PTPRN2: variants seen among roughly 807,000 people sequenced by gnomAD.
PTPRN2 encodes the protein protein tyrosine phosphatase receptor type N2.
Under a neutral mutation model 118.8 loss-of-function variants are expected in PTPRN2, and 74 were observed. The ratio of observed to expected loss-of-function variants is 0.62; its 90% CI spans 0.52 to 0.76. The LOEUF is 0.76. PTPRN2 is among the 30% of genes least tolerant of loss of function. The pLI is 0.00. For synonymous variants in PTPRN2, 641 were observed against 608.0 expected, an observed-to-expected ratio of 1.05 and a Z score of -0.80; for missense variants, 1,481 against 1,394.4, an observed-to-expected ratio of 1.06 and a Z score of -0.99.
At chr7:158,179,340 T>G (rs575659366) in intron 5 of PTPRN2, among the ~76,000 whole-genome samples, 1 of 152,338 alleles carries the variant, frequency 6.6e-6, no homozygotes, top group East Asian at 1.9e-4. Context: ...TTTGTCCACT[T>G]TTTAATGGGA....
At chr7:158,186,855 A>G (rs531472766) in intron 5 of PTPRN2, among the ~76,000 whole-genome samples, 1 of 152,350 alleles carries the variant, frequency 6.6e-6, no homozygotes, top group East Asian at 1.9e-4. Flanking sequence ...ACAGAAACTA[A>G]CTTTCCTTAA....
intron 11 of PTPRN2, among the ~76,000 whole-genome samples, chr7:158,072,145 G>A (rs1811988598): frequency 7.6e-6 from 1 of 131,370 alleles, no homozygotes; most frequent in Admixed American, 7.3e-5. Context: ...GGATCTAAAT[G>A]CCATTCAGTT....
At chr7:157,678,325 C>G (rs1288190279) in intron 13 of PTPRN2, among the ~76,000 whole-genome samples, 1 of 152,174 alleles carries the variant, frequency 6.6e-6, no homozygotes, top group East Asian at 1.9e-4. Context: ...GTCAAGTAAA[C>G]CTCAGTAAAA....
chr7:157,737,129 A>G (rs1243713398), intron 12 of PTPRN2, among the ~76,000 whole-genome samples: 1 of 152,170 alleles, frequency 6.6e-6, no homozygotes, highest in Non-Finnish European at 1.5e-5. Flanking sequence ...TCACACATTC[A>G]TTTAAAAAGT....
chr7:158,189,823 T>G (rs1481605004), intron 5 of PTPRN2, among the ~76,000 whole-genome samples: 3 of 152,198 alleles, frequency 2.0e-5, no homozygotes, highest in Admixed American at 1.3e-4. Context: ...CCACAGCCCT[T>G]CTGATAAAGA....
At position 158,138,321 on chromosome 7, in the gene PTPRN2, C is replaced by A. The variant is rs145671265; in HGVS notation, c.1105G>T (p.Ala369Ser). ...GGAAAGCTGTCTCCACGGAGGGTGG[C>A]CTTGGGGCCATCCGCCTGTTCTCCA... ...ESGEQADGPK[A>S]TLRGDSFPDD... Residue 369 changes from alanine to serine, a missense_variant, in exon 7 of 23, where the codon GCC becomes TCC. Ala to Ser is a moderately conservative substitution (Grantham distance 99). Around this residue, in one of 3 missense-constraint regions of PTPRN2, gnomAD observed 1,115 missense variants for 994.2 expected, o/e 1.12. Transcript: ENST00000389418. 1.2e-6 allele frequency: 2 copies of A among 1,613,360 alleles called. No homozygotes were observed. The highest frequency in any genetic ancestry group is 3.3e-5 in the Admixed American group (2 of 60,022).
At chr7:157,975,373 C>T (rs913366850) in intron 11 of PTPRN2, among the ~76,000 whole-genome samples, 1 of 152,180 alleles carries the variant, frequency 6.6e-6, no homozygotes, top group Non-Finnish European at 1.5e-5. Flanking sequence ...CTGAGAGCCT[C>T]TCCATCTCCA....
At chr7:157,945,697 T>C (rs62475405) in intron 11 of PTPRN2, among the ~76,000 whole-genome samples, 43,311 of 150,702 alleles carry the variant, frequency 0.29, 6,446 homozygotes, top group Middle Eastern at 0.37. Flanking sequence ...GCTTGGACGA[T>C]GTCACCTCCA....
At chr7:158,260,693 C>T (rs535876523) in intron 3 of PTPRN2, among the ~76,000 whole-genome samples, 3 of 152,312 alleles carry the variant, frequency 2.0e-5, no homozygotes, top group South Asian at 2.1e-4. Context: ...TTGCCACTAG[C>T]GCTCCGTGGG....
At chr7:158,223,755 A>G (rs547237400) in intron 3 of PTPRN2, among the ~76,000 whole-genome samples, 1 of 152,308 alleles carries the variant, frequency 6.6e-6, no homozygotes, top group Admixed American at 6.5e-5. Context: ...CTAGGAACAA[A>G]GCAAGGATGT....
At position 158,060,343 on chromosome 7, in the gene PTPRN2, CT is replaced by C. The variant is rs775715463; in HGVS notation, c.1723+20954del. 1.5e-4 allele frequency among the ~76,000 whole-genome samples: 23 copies of C among 152,288 alleles called. No homozygotes were observed. In the East Asian group the frequency reaches 4.4e-3, roughly 29 times the overall value. On this transcript the variant is annotated intron_variant, in intron 11 of 22. Transcript: ENST00000389418. ...GTGACACATCAGTGCAGGGTAGAAACTCCCCCATCTCCCATGCAGCCCCCAG... is the reference window on the plus strand; with the variant it reads ...GTGACACATCAGTGCAGGGTAGAAACCCCCCATCTCCCATGCAGCCCCCAG...
chr7:157,797,939 G>A (rs1804974228), intron 12 of PTPRN2, among the ~76,000 whole-genome samples: 1 of 152,186 alleles, frequency 6.6e-6, no homozygotes, highest in Admixed American at 6.5e-5. Flanking sequence ...TTGACCCCAG[G>A]TCTGTCTTCC....
At chr7:158,067,900 G>A (rs1170894616) in intron 11 of PTPRN2, among the ~76,000 whole-genome samples, 10 of 152,198 alleles carry the variant, frequency 6.6e-5, no homozygotes, top group East Asian at 1.9e-4. Flanking sequence ...AGGGCAGGCC[G>A]GGTCATGGTG....
chr7:158,527,796 G>A (rs978796030), intron 1 of PTPRN2, among the ~76,000 whole-genome samples: 2 of 152,146 alleles, frequency 1.3e-5, no homozygotes, highest in African/African-American at 4.8e-5. Flanking sequence ...TCCTCCGCCA[G>A]CTCTCACCCC....
At chr7:157,696,969 G>T (rs545819661) in intron 12 of PTPRN2, among the ~76,000 whole-genome samples, 1 of 59,350 alleles carries the variant, frequency 1.7e-5, no homozygotes, top group Admixed American at 1.7e-4. Context: ...AGCCCTCACC[G>T]TCTACCCATG....
chr7:157,679,721 G>A (rs565116623), intron 13 of PTPRN2, among the ~76,000 whole-genome samples: 1 of 152,106 alleles, frequency 6.6e-6, no homozygotes, highest in Non-Finnish European at 1.5e-5. Context: ...GGGGCTGGGG[G>A]GTTCTGTACA....
intron 17 of PTPRN2, among the ~76,000 whole-genome samples, chr7:157,584,081 AT>A (rs1238126558): frequency 6.6e-6 from 1 of 152,176 alleles, no homozygotes; most frequent in Non-Finnish European, 1.5e-5. Context: ...TGGGAGGATC[AT>A]TTGAGCCCAG....
chr7:157,630,441 A>G (rs1443183607), intron 14 of PTPRN2, among the ~76,000 whole-genome samples: 2 of 152,298 alleles, frequency 1.3e-5, no homozygotes, highest in Non-Finnish European at 1.5e-5. Flanking sequence ...TCAGAAAGCA[A>G]TGCCCACAAC....
chr7:158,158,161 G>C (rs528024562), intron 6 of PTPRN2, among the ~76,000 whole-genome samples: 114 of 152,326 alleles, frequency 7.5e-4, no homozygotes, highest in African/African-American at 2.6e-3. Flanking sequence ...CGAAAAGGCA[G>C]CAGGTGCTTC....
Sources: gnomAD v4.1 joint callset for allele counts (sites outside exome capture counted in the v4.1 genomes callset) on GRCh38, gnomAD v4.1.1 for gene constraint, gnomAD v4.1.1 regional missense constraint, MANE v1.5 for transcripts, NCBI Gene and HGNC (gene_info 2026-07-23, HGNC 2026-07-21) for gene names.